VPS41: variants seen among roughly 807,000 people sequenced by gnomAD.
VPS41 encodes the protein vacuolar protein sorting-associated protein 41 homolog.
A neutral mutation model predicts 130.9 loss-of-function variants in VPS41; 85 were observed. The observed-to-expected ratio is 0.65, with a 90% confidence interval of 0.55 to 0.78. The LOEUF is 0.78. Among genes scored for constraint, VPS41 ranks in the 30% least tolerant of loss-of-function variants. The pLI, the probability that VPS41 is intolerant of heterozygous loss-of-function variation, is 0.00. For synonymous variants in VPS41, 335 were observed against 332.9 expected, an observed-to-expected ratio of 1.01 and a Z score of -0.07; for missense variants, 874 against 1,018.7, an observed-to-expected ratio of 0.86 and a Z score of 1.93.
chr7:38,765,473 T>G, intron 16 of VPS41, 107 bp downstream of exon 16: 1 of 717,196 alleles, frequency 1.4e-6, no homozygotes, highest in Non-Finnish European at 2.2e-6. Context: ...CCATCTGAGA[T>G]AATAATCACG....
chr7:38,731,205 TTATTC>T (rs1173361260), intron 25 of VPS41, among the ~76,000 whole-genome samples: 1 of 152,210 alleles, frequency 6.6e-6, no homozygotes, highest in Non-Finnish European at 1.5e-5. Flanking sequence ...ATGTAATCAT[TTATTC>T]TATAACATCT....
At position 38,869,188 on chromosome 7, in the gene VPS41, T is replaced by G; in HGVS notation, c.126A>C (p.Ile42=). The change falls in exon 3 of 29, where the codon ATA becomes ATC. Residue 42 remains isoleucine (I), a synonymous_variant. Transcript: ENST00000310301. The part of the protein sequence containing the change: ...YERLSNGVTE[I]LQKDAASCMT... ...TGCAGCTAGCTGCATCCTTCTGAAG[T>G]ATTTCAGTTACCCCATTGGAAAGCC... 2 of 1,612,260 alleles carry G rather than the reference T, an allele frequency of 1.2e-6. No homozygotes were observed. The highest frequency in any genetic ancestry group is 1.7e-6 in the Non-Finnish European group (2 of 1,178,760).
In VPS41 at chr7:38,893,201, TC is replaced by T. The variant is rs558229056; in HGVS notation, c.60+4889del. On this transcript the variant is annotated intron_variant, in intron 2 of 28. Coordinates refer to ENST00000310301, the MANE Select transcript of VPS41 (RefSeq NM_014396.4). Reference sequence around the variant, plus strand: ...TTCACCAGCCTCACTGCCCCACCCTTCTACACTACAGCCACATTGAGTGCCT... The same window carrying T: ...TTCACCAGCCTCACTGCCCCACCCTTTACACTACAGCCACATTGAGTGCCT... 1.2e-4 allele frequency among the ~76,000 whole-genome samples: 19 copies of T among 152,290 alleles called. No homozygotes were observed. The East Asian group carries it at 3.7e-3, about 29-fold the overall frequency.
chr7:38,748,211 A>AT (rs1796024291), intron 22 of VPS41, among the ~76,000 whole-genome samples: 1 of 152,098 alleles, frequency 6.6e-6, no homozygotes, highest in Admixed American at 6.5e-5. Flanking sequence ...CACACAACAC[A>AT]TGCGCGCGCG....
chr7:38,803,211 T>TC (rs1784767659), intron 7 of VPS41, among the ~76,000 whole-genome samples: 1 of 152,212 alleles, frequency 6.6e-6, no homozygotes, highest in South Asian at 2.1e-4. Flanking sequence ...TGTAATGAAG[T>TC]CCCCGATTCT....
intron 18 of VPS41, 25 bp downstream of exon 18, chr7:38,758,329 A>C: frequency 1.3e-6 from 2 of 1,584,770 alleles, no homozygotes; most frequent in Non-Finnish European, 1.7e-6. Flanking sequence ...CTGATATGGA[A>C]AAAGAAACAC....
intron 4 of VPS41, among the ~76,000 whole-genome samples, chr7:38,855,640 A>T: frequency 6.6e-6 from 1 of 152,142 alleles, no homozygotes; most frequent in East Asian, 1.9e-4. Context: ...ACAAGGAGAT[A>T]AGGGTGGAAG....
In VPS41 at chr7:38,797,054, G is replaced by A. The variant is rs147033292; in HGVS notation, c.451-190C>T. The A allele has an allele frequency of 7.8e-6, 5 of 638,502 alleles. No homozygotes were observed. The East Asian group carries it at 1.2e-4, about 15-fold the overall frequency. 39.6% of individuals were successfully genotyped at this position (638,502 alleles called of 1,614,324 possible). ...TTCCTAGCACATCATATTCTCCCCA[G>A]GAAGTTGTTTAAAATGGATGAGTGT... On this transcript the variant is annotated intron_variant, in intron 7 of 28. Transcript: ENST00000310301.
intron 2 of VPS41, among the ~76,000 whole-genome samples, chr7:38,892,253 T>C (rs1786882301): frequency 6.6e-6 from 1 of 152,232 alleles, no homozygotes; most frequent in Admixed American, 6.5e-5. Flanking sequence ...AAAGGCAGTA[T>C]AACTAGAGGT....
At position 38,791,292 on chromosome 7, in the gene VPS41, CA is replaced by C. The variant is rs1450570066; in HGVS notation, c.718-1426del. Among the ~76,000 whole-genome samples the C allele has an allele frequency of 2.0e-5, 3 of 152,136 alleles. 1 individual carries two copies. Among genetic ancestry groups the C allele is most frequent in the Non-Finnish European group, 2.9e-5 (2 of 68,032 alleles). ...CATCTAATGGCACATTCCACAATGC[CA>C]AATGGACAACTGTTTTAATGTGCTG... On this transcript the variant is annotated intron_variant, in intron 9 of 28. Transcript: ENST00000310301.
intron 4 of VPS41, chr7:38,831,151 G>T: frequency 2.1e-6 from 1 of 467,472 alleles, no homozygotes. Context: ...TTCAGATCTT[G>T]AGTTCATCAA....
chr7:38,814,572 C>T (rs1203469871), intron 7 of VPS41, among the ~76,000 whole-genome samples: 1 of 152,124 alleles, frequency 6.6e-6, no homozygotes, highest in Non-Finnish European at 1.5e-5. Flanking sequence ...ATGGCGTGAA[C>T]CCGGCAGGCA....
At chr7:38,891,995 C>G (rs1403962885) in intron 2 of VPS41, among the ~76,000 whole-genome samples, 1 of 151,804 alleles carries the variant, frequency 6.6e-6, no homozygotes, top group Non-Finnish European at 1.5e-5. Flanking sequence ...TGAGGTATAA[C>G]AGGAACTTTA....
intron 4 of VPS41, among the ~76,000 whole-genome samples, chr7:38,841,111 G>C (rs143795890): frequency 8.5e-5 from 13 of 152,272 alleles, no homozygotes; most frequent in African/African-American, 2.9e-4. Context: ...AATTGAATAA[G>C]TACCTAGGAA....
intron 1 of VPS41, among the ~76,000 whole-genome samples, chr7:38,900,918 T>C (rs1192670837): frequency 2.0e-5 from 3 of 152,172 alleles, no homozygotes; most frequent in African/African-American, 7.2e-5. Context: ...CTAATTAATA[T>C]GCTAGAGAGA....
chr7:38,858,207 T>C (rs1456057152), intron 4 of VPS41, among the ~76,000 whole-genome samples: 3 of 152,202 alleles, frequency 2.0e-5, no homozygotes, highest in African/African-American at 7.2e-5. Context: ...AGAGACAGCT[T>C]TGCACAGCTA....
chr7:38,874,429 C>T (rs1786444376), intron 2 of VPS41, among the ~76,000 whole-genome samples: 1 of 152,060 alleles, frequency 6.6e-6, no homozygotes. Context: ...TGGTAGAAAC[C>T]ACCACCAGTG....
intron 3 of VPS41, among the ~76,000 whole-genome samples, chr7:38,863,450 A>G (rs1024516117): frequency 7.9e-5 from 12 of 152,210 alleles, no homozygotes; most frequent in Non-Finnish European, 1.3e-4. Context: ...GCTCAAATTT[A>G]CAGGCACTAC....
Position 38,742,086 on chromosome 7 carries a change from G to C in VPS41, c.2158C>G (p.His720Asp). 1 of 1,611,688 alleles carries C rather than the reference G, an allele frequency of 6.2e-7. No homozygotes were observed. The highest frequency in any genetic ancestry group is 8.5e-7 in the Non-Finnish European group (1 of 1,179,364). Residue 720 changes from histidine (H) to aspartate (D), a missense_variant, in exon 25 of 29, where the codon CAT becomes GAT. Coordinates refer to ENST00000310301, the MANE Select transcript of VPS41 (RefSeq NM_014396.4). ...ITGLLNNIGT[H>D]VDPILLIHRI... Reference sequence around the variant, plus strand: ...TGAATCAGTAGAATTGGGTCAACATGTGTGCCAATGTTGTTTAACAAGCCA... The same window carrying C: ...TGAATCAGTAGAATTGGGTCAACATCTGTGCCAATGTTGTTTAACAAGCCA...
Sources: allele counts gnomAD v4.1 joint callset (sites outside exome capture counted in the v4.1 genomes callset), GRCh38; gene constraint gnomAD v4.1.1; transcripts MANE v1.5; gene names NCBI Gene and HGNC (gene_info 2026-07-23, HGNC 2026-07-21).